DIP2C: variants seen among roughly 807,000 people sequenced by gnomAD.
DIP2C encodes the protein DIP2 acetate--CoA ligase C (putative).
In DIP2C, 33 loss-of-function variants were observed where a neutral mutation model predicts 192.4. The ratio of observed to expected loss-of-function variants is 0.17; its 90% confidence interval spans 0.13 to 0.23. The LOEUF (loss-of-function observed/expected upper bound fraction) is 0.23. Among genes scored for constraint, DIP2C ranks in the 10% least tolerant of loss-of-function variants. DIP2C has a pLI of 1.00. For missense variants in DIP2C, 1,537 were observed against 2,110.1 expected (o/e 0.73, Z 5.32); for synonymous variants, 979 against 864.1 (o/e 1.13, Z -2.33).
intron 2 of DIP2C, among the ~76,000 whole-genome samples, chr10:480,693 G>C (rs985160678): frequency 6.6e-6 from 1 of 152,256 alleles, no homozygotes; most frequent in African/African-American, 2.4e-5. Context: ...TGGCGCCTAA[G>C]ACGAGGAATG....
intron 4 of DIP2C, among the ~76,000 whole-genome samples, chr10:425,432 CTAA>C (rs1458890116): frequency 6.7e-6 from 1 of 148,878 alleles, no homozygotes; most frequent in Non-Finnish European, 1.5e-5. Context: ...CCAGCAGTGA[CTAA>C]TATGACACGG....
rs773257939 is a variant in DIP2C at position 399,044 on chromosome 10, G to A, written c.1260+65C>T. On this transcript the variant is annotated intron_variant, in intron 10 of 36. Coordinates refer to ENST00000280886, the MANE Select transcript of DIP2C (RefSeq NM_014974.3). ...ACAGCGAGGAGACCCTCACCCAGCC[G>A]GGATACAGCCACCGTGAAAGCCATC... 55 of 1,392,278 alleles carry A rather than the reference G, an allele frequency of 4.0e-5. No individual in the cohort carries two copies. The East Asian group carries it at 4.2e-4, about 11-fold the overall frequency. 86.2% of individuals were successfully genotyped at this position (1,392,278 alleles called of 1,614,324 possible).
chr10:299,075 C>T (rs1248785163), intron 32 of DIP2C, among the ~76,000 whole-genome samples: 3 of 152,248 alleles, frequency 2.0e-5, no homozygotes, highest in Admixed American at 1.3e-4. Context: ...TTCTAACACC[C>T]AGGTTCACTG....
chr10:451,268 A>G (rs1443360091), intron 3 of DIP2C, among the ~76,000 whole-genome samples: 2 of 149,274 alleles, frequency 1.3e-5, no homozygotes, highest in Non-Finnish European at 2.9e-5. Flanking sequence ...AGATTTTCAA[A>G]AAGTTACCAA....
chr10:478,827 G>A (rs1042203178), intron 2 of DIP2C, among the ~76,000 whole-genome samples: 9 of 152,050 alleles, frequency 5.9e-5, no homozygotes, highest in Middle Eastern at 3.4e-3. Flanking sequence ...TCGCGTGTCC[G>A]GGCGTGCTGG....
At chr10:532,329 C>T (rs1279930164) in intron 1 of DIP2C, among the ~76,000 whole-genome samples, 2 of 152,156 alleles carry the variant, frequency 1.3e-5, no homozygotes, top group Admixed American at 1.3e-4. Context: ...TTAAGCCACT[C>T]CCTCTCTCCC....
At chr10:457,202 CA>C (rs1235868530) in intron 3 of DIP2C, among the ~76,000 whole-genome samples, 10 of 152,318 alleles carry the variant, frequency 6.6e-5, no homozygotes, top group African/African-American at 2.2e-4. Flanking sequence ...CTGGAAGCTA[CA>C]AGTCTATGCA....
In DIP2C at chr10:389,964, CCAAGGAGTCAGGGTCT is replaced by C. The variant is rs879279759; in HGVS notation, c.1597+11_1597+26del. 1 of 1,589,146 alleles carries C rather than the reference CCAAGGAGTCAGGGTCT, an allele frequency of 6.3e-7. No individual in the cohort carries two copies. The highest frequency in any genetic ancestry group is 8.6e-7 in the Non-Finnish European group (1 of 1,163,144). The stretch of plus-strand genomic sequence containing the variant: ...AGGTGTCCCGGTTAGAACCAGGGTC[CCAAGGAGTCAGGGTCT>C]GGCACCCCACCTTCCGTGTAGCCAC... On this transcript the variant is annotated intron_variant, in intron 13 of 36. Transcript: ENST00000280886.
chr10:311,578 G>A (rs1956568306), intron 31 of DIP2C: 1 of 1,232,340 alleles, frequency 8.1e-7, no homozygotes, highest in African/African-American at 1.6e-5. Context: ...TACAGCAGCA[G>A]AAGGGTGAGG....
chr10:634,869 A>G (rs1854742453), intron 1 of DIP2C, among the ~76,000 whole-genome samples: 1 of 152,230 alleles, frequency 6.6e-6, no homozygotes, highest in Non-Finnish European at 1.5e-5. Context: ...ACGTAAAGCC[A>G]ATTAGATCAA....
At chr10:569,509 ATAAC>A (rs1177651885) in intron 1 of DIP2C, among the ~76,000 whole-genome samples, 3 of 152,236 alleles carry the variant, frequency 2.0e-5, no homozygotes, top group Non-Finnish European at 4.4e-5. Flanking sequence ...CAAACGCAAA[ATAAC>A]AAACCAAAGC....
Position 363,338 on chromosome 10 carries a change from C to T in DIP2C, c.2478-27G>A. On this transcript the variant is annotated intron_variant, in intron 20 of 36. Coordinates refer to ENST00000280886, the MANE Select transcript of DIP2C (RefSeq NM_014974.3). This position sits in a 1 kb window ranked among gnomAD's most constrained non-coding sequence, Gnocchi z 5.4. ...TGCGGGGACACAGGAGCATGGTGAG[C>T]ACGCGCCGGGGACGCTCATGCAGCC... is the stretch of plus-strand genomic sequence containing the variant. The T allele has an allele frequency of 6.2e-7, 1 of 1,601,746 alleles. No individual in the cohort carries two copies. Among genetic ancestry groups the T allele is most frequent in the Non-Finnish European group, 8.5e-7 (1 of 1,174,772 alleles).
At chr10:505,598 T>C (rs1015081743) in intron 1 of DIP2C, among the ~76,000 whole-genome samples, 1 of 150,598 alleles carries the variant, frequency 6.6e-6, no homozygotes, top group Non-Finnish European at 1.5e-5. Flanking sequence ...CCACAGGAGA[T>C]GGGGACCACC....
Position 275,956 on chromosome 10 carries a change from C to G in DIP2C, c.*1369G>C, listed in dbSNP as rs562319061. ...ACACAGAGCGGGCTGGGTCTTAAGA[C>G]GAGGGGACGATCACCGATGTGAGTT... is the stretch of plus-strand genomic sequence containing the variant. On this transcript the variant is annotated 3_prime_UTR_variant, in exon 37 of 37. Transcript: ENST00000280886. 1 of 152,184 alleles carries G rather than the reference C, an allele frequency of 6.6e-6. No individual in the cohort carries two copies. Among genetic ancestry groups the G allele is most frequent in the African/African-American group, 2.4e-5 (1 of 41,428 alleles). The allele number at this position is 152,184 out of a possible 1,614,324, so 9.4% of individuals were successfully genotyped here.
intron 4 of DIP2C, among the ~76,000 whole-genome samples, chr10:438,256 C>T (rs1324257925): frequency 6.6e-6 from 1 of 152,188 alleles, no homozygotes; most frequent in East Asian, 1.9e-4. Context: ...AATAAGCAAG[C>T]AAATAACCAC....
chr10:367,187 G>A (rs1040529169), intron 18 of DIP2C, among the ~76,000 whole-genome samples: 1 of 152,238 alleles, frequency 6.6e-6, no homozygotes, highest in Non-Finnish European at 1.5e-5. Context: ...GGAGGCCGAG[G>A]CGGGCGGATC....
chr10:452,145 G>A (rs1251942760), intron 3 of DIP2C, among the ~76,000 whole-genome samples: 3 of 152,178 alleles, frequency 2.0e-5, no homozygotes, highest in Non-Finnish European at 2.9e-5. Context: ...CTGCACAGCA[G>A]AAGACAGCAA....
intron 4 of DIP2C, among the ~76,000 whole-genome samples, chr10:431,157 GTTC>G (rs752754664): frequency 3.3e-5 from 5 of 152,028 alleles, no homozygotes; most frequent in Non-Finnish European, 5.9e-5. Flanking sequence ...CTTCAACTTT[GTTC>G]TTCTTTTTCA....
At position 535,407 on chromosome 10, in the gene DIP2C, T is replaced by A. The variant is rs905369616; in HGVS notation, c.86-48877A>T. On this transcript the variant is annotated intron_variant, in intron 1 of 36. Transcript: ENST00000280886. ...CGGGGGGCATTTCCCTTCACACATC[T>A]GGAAATCATCCACGTCTAGTACTCC... is the stretch of plus-strand genomic sequence containing the variant. 7.2e-5 allele frequency among the ~76,000 whole-genome samples: 11 copies of A among 151,916 alleles called. 1 individual carries two copies. Among genetic ancestry groups the A allele is most frequent in the Non-Finnish European group, 1.5e-4 (10 of 67,982 alleles).
Sources: allele counts gnomAD v4.1 joint callset (sites outside exome capture counted in the v4.1 genomes callset), GRCh38; gene constraint gnomAD v4.1.1; non-coding constraint Gnocchi (gnomAD v3.1); transcripts MANE v1.5; gene names NCBI Gene and HGNC (gene_info 2026-07-23, HGNC 2026-07-21).